The following CREG2 variants were observed in gnomAD, a reference collection of about 807,000 sequenced individuals.
CREG2 encodes the protein protein CREG2.
CREG2 carries 24 observed loss-of-function variants against 26.2 expected under a neutral mutation model. That is an observed-to-expected ratio of 0.92 (90% confidence interval 0.66 to 1.29). CREG2 has a LOEUF of 1.29. Ranked by LOEUF, CREG2 falls within the 50% of genes most tolerant of loss-of-function variation. CREG2 has a pLI of 0.00. For missense variants in CREG2, 366 were observed against 398.6 expected, an observed-to-expected ratio of 0.92 and a Z score of 0.70; for synonymous variants, 174 against 169.2, an observed-to-expected ratio of 1.03 and a Z score of -0.22.
chr2:101,357,595 G>A (rs6543036), intron 2 of CREG2, among the ~76,000 whole-genome samples: 138,341 of 152,212 alleles, frequency 0.91, 63,083 homozygotes, highest in East Asian at 1. Flanking sequence ...CAGTATTTCT[G>A]AATGGCTTTG....
intron 2 of CREG2, among the ~76,000 whole-genome samples, chr2:101,366,560 T>C (rs1033682077): frequency 1.3e-5 from 2 of 152,090 alleles, no homozygotes; most frequent in African/African-American, 4.8e-5. Context: ...CAGTGGCTCA[T>C]GCCTGTAATC....
intron 2 of CREG2, among the ~76,000 whole-genome samples, chr2:101,381,052 C>T (rs1413440666): frequency 6.6e-6 from 1 of 152,174 alleles, no homozygotes; most frequent in Admixed American, 6.5e-5. Flanking sequence ...TGGCCTTGAC[C>T]TGTCGTTATC....
intron 2 of CREG2, among the ~76,000 whole-genome samples, chr2:101,365,430 T>A (rs1264950219): frequency 1.3e-5 from 2 of 152,148 alleles, no homozygotes; most frequent in African/African-American, 4.8e-5. Flanking sequence ...CTCCTAGGGA[T>A]GCTATCCACA....
intron 2 of CREG2, among the ~76,000 whole-genome samples, chr2:101,367,322 C>T (rs1221675718): frequency 2.0e-5 from 3 of 152,060 alleles, no homozygotes; most frequent in African/African-American, 7.2e-5. Flanking sequence ...TATGATGACC[C>T]CTTTCCTTTG....
intron 2 of CREG2, among the ~76,000 whole-genome samples, chr2:101,366,283 C>CA (rs1295410557): frequency 6.6e-6 from 1 of 152,180 alleles, no homozygotes; most frequent in East Asian, 1.9e-4. Flanking sequence ...CAGATCCTCC[C>CA]AACCTCTGAT....
intron 2 of CREG2, among the ~76,000 whole-genome samples, chr2:101,356,491 A>G (rs1684462089): frequency 6.6e-6 from 1 of 152,236 alleles, no homozygotes; most frequent in Non-Finnish European, 1.5e-5. Flanking sequence ...AGTTCACAAA[A>G]TAATATTGTG....
At chr2:101,379,541 T>A (rs1684838740) in intron 2 of CREG2, among the ~76,000 whole-genome samples, 1 of 152,180 alleles carries the variant, frequency 6.6e-6, no homozygotes, top group Non-Finnish European at 1.5e-5. Context: ...CACAGGCCTG[T>A]TAATGGATCT....
Position 101,380,378 on chromosome 2 carries a change from C to T in CREG2, c.611+3155G>A, listed in dbSNP as rs535859406. 5.9e-5 allele frequency among the ~76,000 whole-genome samples: 9 copies of T among 152,330 alleles called. No homozygotes were observed. In the South Asian group the frequency reaches 6.2e-4, roughly 11 times the overall value. On this transcript the variant is annotated intron_variant, in intron 2 of 3. Transcript: ENST00000324768. ...CAGTAACCGGGGCTAACTTGATGAACGCAGAGGCAGGCTTGCAGCTGAAAT... is the reference window on the plus strand; with the variant it reads ...CAGTAACCGGGGCTAACTTGATGAATGCAGAGGCAGGCTTGCAGCTGAAAT...
chr2:101,351,062 C>T lies in CREG2; in HGVS notation c.734G>A (p.Gly245Glu). The T allele has an allele frequency of 6.2e-7, 1 of 1,613,970 alleles. No individual in the cohort carries two copies. The highest frequency in any genetic ancestry group is 8.5e-7 in the Non-Finnish European group (1 of 1,179,930). Residue 245 changes from glycine to glutamate, a missense_variant, in exon 4 of 4, where the codon GGG becomes GAG. Gly to Glu is a moderately conservative substitution (Grantham distance 98). Around this residue, in one of 3 missense-constraint regions of CREG2, gnomAD observed 174 missense variants for 178.2 expected, o/e 0.98. Coordinates refer to ENST00000324768, the MANE Select transcript of CREG2 (RefSeq NM_153836.4). ...ATATTGACGAGGCCACTTCCTCATC[C>T]CTGGGTGCCTGCAGGAATAAAGAGA... Reference protein sequence around the residue: ...AKQAMFSRHPGMRKWPRQYEW... With the variant: ...AKQAMFSRHPEMRKWPRQYEW...
intron 2 of CREG2, chr2:101,382,629 A>G: frequency 1.0e-6 from 1 of 985,432 alleles, no homozygotes; most frequent in African/African-American, 1.7e-5. Context: ...CTGAGGGGAA[A>G]CAATGGCTTA....
At chr2:101,363,287 A>T (rs765935853) in intron 2 of CREG2, among the ~76,000 whole-genome samples, 1 of 152,162 alleles carries the variant, frequency 6.6e-6, no homozygotes, top group Admixed American at 6.5e-5. Context: ...CATGGACCTG[A>T]GGAGTCATAA....
chr2:101,382,445 G>T, intron 2 of CREG2: 9 of 893,160 alleles, frequency 1.0e-5, no homozygotes, highest in Non-Finnish European at 1.2e-5. Flanking sequence ...AAAAAAAAGA[G>T]TAAGAAAAGA....
intron 2 of CREG2, among the ~76,000 whole-genome samples, chr2:101,371,210 C>T (rs1046062205): frequency 6.6e-5 from 10 of 152,134 alleles, no homozygotes; most frequent in South Asian, 2.1e-4. Flanking sequence ...TTCTGCATCA[C>T]GGAGGATCCA....
In CREG2 at chr2:101,385,825, A is replaced by G. The variant is rs373091417; in HGVS notation, c.441+1192T>C. On this transcript the variant is annotated intron_variant, in intron 1 of 3. Coordinates refer to ENST00000324768, the MANE Select transcript of CREG2 (RefSeq NM_153836.4). ...AATTTATTGTTTAAATCAAATGTCA[A>G]TAAGGATTAGAAAGAGGAACTCCTA... Among the ~76,000 whole-genome samples, 31 of 152,230 alleles carry G rather than the reference A, an allele frequency of 2.0e-4. 1 individual carries two copies. Among genetic ancestry groups the G allele is most frequent in the Admixed American group, 1.2e-3 (19 of 15,278 alleles).
chr2:101,351,534 A>G (rs540028691), intron 3 of CREG2, among the ~76,000 whole-genome samples: 2 of 152,354 alleles, frequency 1.3e-5, no homozygotes, highest in South Asian at 4.1e-4. Flanking sequence ...GCATCTCTAT[A>G]TGAAATGTTA....
At chr2:101,383,908 C>T (rs920186528) in intron 1 of CREG2, among the ~76,000 whole-genome samples, 11 of 152,190 alleles carry the variant, frequency 7.2e-5, no homozygotes, top group South Asian at 2.1e-4. Context: ...AATTTCTCCA[C>T]AGGAGATACT....
intron 3 of CREG2, among the ~76,000 whole-genome samples, chr2:101,353,588 A>G (rs1684413192): frequency 6.6e-6 from 1 of 152,216 alleles, no homozygotes; most frequent in South Asian, 2.1e-4. Flanking sequence ...CAGAAATATC[A>G]TTTGACCCAG....
chr2:101,374,413 A>G (rs1684757989), intron 2 of CREG2, among the ~76,000 whole-genome samples: 1 of 152,272 alleles, frequency 6.6e-6, no homozygotes. Context: ...GGTTAATGTT[A>G]GCTCTAGGAA....
intron 2 of CREG2, among the ~76,000 whole-genome samples, chr2:101,366,782 A>G (rs532672840): frequency 9.7e-4 from 147 of 152,292 alleles, no homozygotes; most frequent in African/African-American, 3.4e-3. Flanking sequence ...AGATCGCGCC[A>G]CTGCATTCCA....
Sources: gnomAD v4.1 joint callset for allele counts (sites outside exome capture counted in the v4.1 genomes callset) on GRCh38, gnomAD v4.1.1 for gene constraint, gnomAD v4.1.1 regional missense constraint, MANE v1.5 for transcripts, NCBI Gene and HGNC (gene_info 2026-07-23, HGNC 2026-07-21) for gene names.